The following ASAH2 variants were observed in gnomAD, a reference collection of about 807,000 sequenced individuals.
ASAH2 encodes the protein neutral ceramidase.
Under a neutral mutation model 82.9 loss-of-function variants are expected in ASAH2, and 58 were observed. The ratio of observed to expected loss-of-function variants is 0.70; its 90% CI spans 0.57 to 0.87. The LOEUF (loss-of-function observed/expected upper bound fraction) is 0.87, where lower values mean the gene tolerates loss of function less well. ASAH2 is among the 40% of genes least tolerant of loss of function. ASAH2 has a pLI of 0.00. For synonymous variants in ASAH2, 276 were observed against 289.7 expected (o/e 0.95, Z 0.48); for missense variants, 779 against 834.0 (o/e 0.93, Z 0.81).
chr10:50,203,498 T>C (rs2133201246), intron 15 of ASAH2, 142 bp downstream of exon 15: 2 of 812,948 alleles, frequency 2.5e-6, no homozygotes, highest in East Asian at 4.9e-5. Context: ...AGTCTGGTTC[T>C]TATACTACCA....
chr10:50,220,075 T>C lies in ASAH2; in HGVS notation c.894-1445A>G, dbSNP rs1031326388. ...TATACATTAAGAGACTTAAAACTTG[T>C]AGCCAACAAATGTAGTTTGTGATCT... is the stretch of plus-strand genomic sequence containing the variant. On this transcript the variant is annotated intron_variant, in intron 7 of 20. Coordinates refer to ENST00000682911, the MANE Select transcript of ASAH2 (RefSeq NM_019893.4). Among the ~76,000 whole-genome samples the C allele has an allele frequency of 2.0e-5, 3 of 152,324 alleles. No individual in the cohort carries two copies. In the South Asian group the frequency reaches 6.2e-4, roughly 32 times the overall value.
At chr10:50,234,606 A>G in intron 5 of ASAH2, 54 bp from the exon 6 acceptor site, 2 of 1,611,122 alleles carry the variant, frequency 1.2e-6, no homozygotes, top group Non-Finnish European at 1.7e-6. Flanking sequence ...TGGTGGGGAC[A>G]ATAACTTAGT....
intron 7 of ASAH2, among the ~76,000 whole-genome samples, chr10:50,230,346 C>T (rs1845990804): frequency 6.6e-6 from 1 of 152,146 alleles, no homozygotes. Flanking sequence ...GAAGGTTAAA[C>T]TAGGTCATCT....
At chr10:50,195,921 G>A (rs1176805629) in intron 18 of ASAH2, among the ~76,000 whole-genome samples, 10 of 151,714 alleles carry the variant, frequency 6.6e-5, no homozygotes, top group African/African-American at 1.9e-4. Context: ...GGTTGGGGAG[G>A]TATTGATCAA....
At chr10:50,209,958 C>G (rs1589330330) in intron 12 of ASAH2, among the ~76,000 whole-genome samples, 1 of 152,008 alleles carries the variant, frequency 6.6e-6, no homozygotes, top group Admixed American at 6.6e-5. Context: ...ATGGTGCAGC[C>G]ATTTCAGAAA....
intron 3 of ASAH2, among the ~76,000 whole-genome samples, chr10:50,244,805 C>A (rs1017633362): frequency 6.6e-6 from 1 of 152,002 alleles, no homozygotes; most frequent in Non-Finnish European, 1.5e-5. Flanking sequence ...TCTTACATGG[C>A]AACAATCAGC....
chr10:50,211,730 C>T (rs977414856), intron 10 of ASAH2, among the ~76,000 whole-genome samples: 31 of 152,222 alleles, frequency 2.0e-4, no homozygotes, highest in African/African-American at 5.8e-4. Flanking sequence ...TTTATTAATT[C>T]GCATTATATA....
In ASAH2 at chr10:50,223,206, AT is replaced by A. The variant is rs1327430342; in HGVS notation, c.894-4577del. 2.4e-3 allele frequency among the ~76,000 whole-genome samples: 368 copies of A among 151,756 alleles called. 2 individuals carry two copies. The highest frequency in any genetic ancestry group is 4.2e-3 in the Non-Finnish European group (285 of 67,874). On this transcript the variant is annotated intron_variant, in intron 7 of 20. Coordinates refer to ENST00000682911, the MANE Select transcript of ASAH2 (RefSeq NM_019893.4). The stretch of plus-strand genomic sequence containing the variant: ...CAACATATTAATATAAAACACTACA[AT>A]TTTTTTTTCCTTCTGTGTAAAGGAG...
intron 5 of ASAH2, among the ~76,000 whole-genome samples, chr10:50,235,033 T>C (rs1846119334): frequency 6.6e-6 from 1 of 152,134 alleles, no homozygotes; most frequent in South Asian, 2.1e-4. Context: ...TTAATACACA[T>C]CAACATATGC....
chr10:50,205,348 A>G (rs1845266769), intron 13 of ASAH2, among the ~76,000 whole-genome samples: 2 of 151,892 alleles, frequency 1.3e-5, no homozygotes, highest in South Asian at 2.1e-4. Context: ...ATTTTCCAAG[A>G]TTTCTCCCAA....
In ASAH2 at chr10:50,236,015, T is replaced by C; in HGVS notation, c.560A>G (p.Asn187Ser). Residue 187 changes from asparagine to serine, a missense_variant, in exon 5 of 21, where the codon AAT becomes AGT. By Grantham distance (46) the Asn-to-Ser change is conservative. Around this residue, in one of 3 missense-constraint regions of ASAH2, gnomAD observed 759 missense variants for 755.2 expected, o/e 1.00. Coordinates refer to ENST00000682911, the MANE Select transcript of ASAH2 (RefSeq NM_019893.4). ...SKYGSLYRRDNVILSGTHTHS... is the reference protein window; with the variant it reads ...SKYGSLYRRDSVILSGTHTHS... ...AGTGTGAGTGCCACTCAGGATGACATTATCTCTTCTGTACAGGGAGCCATA... is the reference window on the plus strand; with the variant it reads ...AGTGTGAGTGCCACTCAGGATGACACTATCTCTTCTGTACAGGGAGCCATA... 6.2e-7 allele frequency: 1 copy of C among 1,613,302 alleles called. No homozygotes were observed. Among genetic ancestry groups the C allele is most frequent in the Non-Finnish European group, 8.5e-7 (1 of 1,179,416 alleles).
intron 12 of ASAH2, among the ~76,000 whole-genome samples, chr10:50,206,535 T>C (rs996587164): frequency 0.057 from 2,692 of 47,342 alleles, 78 homozygotes; most frequent in African/African-American, 0.13. Context: ...AATTTAGTTA[T>C]CTACACACAC....
intron 18 of ASAH2, among the ~76,000 whole-genome samples, chr10:50,193,800 T>A (rs1290057498): frequency 3.9e-5 from 6 of 151,954 alleles, no homozygotes; most frequent in African/African-American, 1.4e-4. Flanking sequence ...AGAGGGGATA[T>A]CATTGTCAAC....
chr10:50,205,919 G>T, intron 13 of ASAH2, 63 bp downstream of exon 13: 1 of 1,240,846 alleles, frequency 8.1e-7, no homozygotes, highest in Non-Finnish European at 1.2e-6. Context: ...TTCATTACCT[G>T]ACAGTTCACA....
rs1330510061 is a variant in ASAH2 at position 50,236,072 on chromosome 10, A to G, written c.511-8T>C. On this transcript the variant is annotated splice_polypyrimidine_tract_variant and splice_region_variant and intron_variant, in intron 4 of 20. Transcript: ENST00000682911. ...CTGCAGTCTGTTCAGGACCTTCAAG[A>G]AAAAAAGTAATTGAACTAAGAAGAG... 6.2e-7 allele frequency: 1 copy of G among 1,611,634 alleles called. No homozygotes were observed. Among genetic ancestry groups the G allele is most frequent in the Non-Finnish European group, 8.5e-7 (1 of 1,177,998 alleles).
At chr10:50,194,673 T>C (rs1262042917) in intron 18 of ASAH2, among the ~76,000 whole-genome samples, 1 of 150,890 alleles carries the variant, frequency 6.6e-6, no homozygotes, top group East Asian at 2.0e-4. Flanking sequence ...TACAAAGCTA[T>C]AGTAATCAAC....
At chr10:50,201,584 T>G (rs1845149781) in intron 16 of ASAH2, among the ~76,000 whole-genome samples, 1 of 152,068 alleles carries the variant, frequency 6.6e-6, no homozygotes, top group South Asian at 2.1e-4. Flanking sequence ...TTCAGGGAAC[T>G]TTCCCATCTC....
chr10:50,209,371 GAC>G (rs1480226542), intron 12 of ASAH2, among the ~76,000 whole-genome samples: 1 of 151,574 alleles, frequency 6.6e-6, no homozygotes, highest in Non-Finnish European at 1.5e-5. Flanking sequence ...TTTTTTTTGA[GAC>G]AGAGTCTCAC....
At chr10:50,230,055 G>T (rs1845985386) in intron 7 of ASAH2, among the ~76,000 whole-genome samples, 2 of 151,896 alleles carry the variant, frequency 1.3e-5, no homozygotes, top group African/African-American at 4.8e-5. Flanking sequence ...TTGAAAATAC[G>T]GCAACTGAGT....
Sources: gnomAD v4.1 joint callset for allele counts (sites outside exome capture counted in the v4.1 genomes callset) on GRCh38, gnomAD v4.1.1 for gene constraint, gnomAD v4.1.1 regional missense constraint, MANE v1.5 for transcripts, NCBI Gene and HGNC (gene_info 2026-07-23, HGNC 2026-07-21) for gene names.